The following MYO1D variants were observed in gnomAD, a reference collection of about 807,000 sequenced individuals.
The protein encoded by MYO1D is unconventional myosin-Id.
A neutral mutation model predicts 122.0 loss-of-function variants in MYO1D; 83 were observed. The observed-to-expected ratio is 0.68, with a 90% CI of 0.57 to 0.82. MYO1D has a LOEUF of 0.82. MYO1D is among the 40% of genes least tolerant of loss of function. The probability of loss-of-function intolerance (pLI) is 0.00; values close to 1 mark genes in which losing one functional copy is unlikely to be tolerated. For missense variants in MYO1D, 1,157 were observed against 1,269.5 expected, an observed-to-expected ratio of 0.91 and a Z score of 1.35; for synonymous variants, 464 against 446.9, an observed-to-expected ratio of 1.04 and a Z score of -0.48.
intron 15 of MYO1D, among the ~76,000 whole-genome samples, chr17:32,719,327 A>T (rs964701725): frequency 1.3e-5 from 2 of 150,696 alleles, no homozygotes; most frequent in African/African-American, 2.4e-5. Context: ...CTCCTGCAAT[A>T]GCATCCTTAA....
chr17:32,750,272 T>C (rs1274037194), intron 11 of MYO1D, among the ~76,000 whole-genome samples: 1 of 152,214 alleles, frequency 6.6e-6, no homozygotes, highest in East Asian at 1.9e-4. Flanking sequence ...AAGAATCACT[T>C]GGAATCTTAT....
At chr17:32,528,625 T>C (rs1308322027) in intron 21 of MYO1D, among the ~76,000 whole-genome samples, 2 of 152,022 alleles carry the variant, frequency 1.3e-5, no homozygotes, top group African/African-American at 4.8e-5. Flanking sequence ...GCTGCTGAGA[T>C]GGGGAGATTA....
chr17:32,855,057 G>A (rs1307743077), intron 1 of MYO1D, among the ~76,000 whole-genome samples: 2 of 152,050 alleles, frequency 1.3e-5, no homozygotes, highest in Non-Finnish European at 2.9e-5. Context: ...TAAAATTGTT[G>A]GTTCCATCCC....
intron 16 of MYO1D, among the ~76,000 whole-genome samples, chr17:32,694,938 T>C (rs1567953112): frequency 6.6e-6 from 1 of 152,164 alleles, no homozygotes; most frequent in Non-Finnish European, 1.5e-5. Flanking sequence ...AACCTGGGAA[T>C]CATTGATTCC....
chr17:32,613,059 C>T (rs1731468070), intron 20 of MYO1D, among the ~76,000 whole-genome samples: 1 of 152,080 alleles, frequency 6.6e-6, no homozygotes, highest in Non-Finnish European at 1.5e-5. Context: ...TAAGCCACTG[C>T]ACCAGGCCTG....
intron 20 of MYO1D, chr17:32,627,823 T>G (rs2087947938): frequency 6.6e-6 from 1 of 152,210 alleles, no homozygotes; most frequent in Admixed American, 6.5e-5. Context: ...TTTCGGTTAC[T>G]GTGCTCTCAC....
chr17:32,835,905 T>C (rs552765978), intron 1 of MYO1D, among the ~76,000 whole-genome samples: 2 of 152,330 alleles, frequency 1.3e-5, no homozygotes, highest in African/African-American at 4.8e-5. Context: ...TTACACTAAC[T>C]GTTGGTTCAT....
At position 32,876,684 on chromosome 17, in the gene MYO1D, C is replaced by T. The variant is rs2091234968; in HGVS notation, c.95+94G>A. The T allele has an allele frequency of 4.9e-6, 5 of 1,025,708 alleles. No individual in the cohort carries two copies. In the South Asian group the frequency reaches 6.7e-5, roughly 14 times the overall value. The allele number at this position is 1,025,708 out of a possible 1,614,324, so 63.5% of individuals were successfully genotyped here. A position where few individuals can be genotyped will look rare whatever the true frequency, so the allele number is the denominator to read the frequency against. On this transcript the variant is annotated intron_variant, in intron 1 of 21. Coordinates refer to ENST00000318217, the MANE Select transcript of MYO1D (RefSeq NM_015194.3). ...CGCGCCTCCATCCCTGGAGCTTGGG[C>T]GCTCCCGACACCCCGGATCCGGCCG... is the stretch of plus-strand genomic sequence containing the variant.
intron 21 of MYO1D, among the ~76,000 whole-genome samples, chr17:32,536,988 G>A (rs1910683700): frequency 6.6e-6 from 1 of 152,142 alleles, no homozygotes; most frequent in Admixed American, 6.5e-5. Flanking sequence ...GAAAATGTGT[G>A]GTTGGATGAA....
chr17:32,629,457 A>T (rs1446956174), intron 20 of MYO1D, among the ~76,000 whole-genome samples: 1 of 152,150 alleles, frequency 6.6e-6, no homozygotes, highest in Non-Finnish European at 1.5e-5. Flanking sequence ...AGTATGGGCC[A>T]GGCACAGTGA....
At chr17:32,693,151 T>C (rs2089125329) in intron 16 of MYO1D, among the ~76,000 whole-genome samples, 1 of 152,242 alleles carries the variant, frequency 6.6e-6, no homozygotes, top group African/African-American at 2.4e-5. Flanking sequence ...TAAGCATCTA[T>C]TCACGAAATC....
At position 32,836,486 on chromosome 17, in the gene MYO1D, C is replaced by A. The variant is rs562886258; in HGVS notation, c.95+40292G>T. Among the ~76,000 whole-genome samples, 216 of 152,244 alleles carry A rather than the reference C, an allele frequency of 1.4e-3. 1 individual carries two copies. The Middle Eastern group carries it at 0.027, about 19-fold the overall frequency. On this transcript the variant is annotated intron_variant, in intron 1 of 21. Coordinates refer to ENST00000318217, the MANE Select transcript of MYO1D (RefSeq NM_015194.3). ...CTCATTCCCAGTTAATTCTCCCACC[C>A]AGGGGTAACCACTATTCTGCCTTCT...
At chr17:32,853,892 T>G (rs1490425451) in intron 1 of MYO1D, among the ~76,000 whole-genome samples, 1 of 152,204 alleles carries the variant, frequency 6.6e-6, no homozygotes, top group Non-Finnish European at 1.5e-5. Flanking sequence ...TGGTATCTGC[T>G]TCAAGTTCAA....
rs186751102 is a variant in MYO1D, at chr17:32,738,483, T to C, written c.1614-98A>G. The stretch of plus-strand genomic sequence containing the variant: ...CTGAAATGTATCCTGAGAATCATAA[T>C]TGGACTACAGATTCAACTCACAAGG... On this transcript the variant is annotated intron_variant, in intron 13 of 21. Transcript: ENST00000318217. 2.0e-4 allele frequency: 256 copies of C among 1,258,504 alleles called. 1 individual carries two copies. Among genetic ancestry groups the C allele is most frequent in the Middle Eastern group, 1.8e-3 (9 of 5,028 alleles). The allele number at this position is 1,258,504 out of a possible 1,614,324, so 78.0% of individuals were successfully genotyped here. A position where few individuals can be genotyped will look rare whatever the true frequency, so the allele number is the denominator to read the frequency against.
At position 32,760,416 on chromosome 17, in the gene MYO1D, G is replaced by A; in HGVS notation, c.1182-12C>T. The A allele has an allele frequency of 1.2e-6, 2 of 1,604,540 alleles. No individual in the cohort carries two copies. The highest frequency in any genetic ancestry group is 8.5e-7 in the Non-Finnish European group (1 of 1,173,100). On this transcript the variant is annotated splice_polypyrimidine_tract_variant and intron_variant, in intron 9 of 21. Transcript: ENST00000318217. Reference sequence around the variant, plus strand: ...AGAATTGTTCAAAACTACAAGAAAAGGAATAAATTAAGTTTCAACAAATAG... The same window carrying A: ...AGAATTGTTCAAAACTACAAGAAAAAGAATAAATTAAGTTTCAACAAATAG...
intron 1 of MYO1D, among the ~76,000 whole-genome samples, chr17:32,864,057 A>T (rs2091103180): frequency 9.0e-6 from 1 of 111,384 alleles, no homozygotes; most frequent in Non-Finnish European, 1.7e-5. Context: ...TGTTTGCAAG[A>T]ATAAAAGCCT....
Position 32,710,519 on chromosome 17 carries a change from C to T in MYO1D, c.2121+1469G>A, listed in dbSNP as rs371830410. ...AAGAAAATACAGAATATCTTTGTGA[C>T]TGAGAGACATGAAAAGCCTTCTTAA... On this transcript the variant is annotated intron_variant, in intron 16 of 21. Coordinates refer to ENST00000318217, the MANE Select transcript of MYO1D (RefSeq NM_015194.3). Among the ~76,000 whole-genome samples, 22 of 152,244 alleles carry T rather than the reference C, an allele frequency of 1.4e-4. No homozygotes were observed. The East Asian group carries it at 4.0e-3, about 28-fold the overall frequency.
At position 32,771,191 on chromosome 17, in the gene MYO1D, T is replaced by C. The variant is rs2090109631; in HGVS notation, c.648A>G (p.Leu216=). ...QLLQGGSEQM[L]RSLHLQKSLS... is the part of the protein sequence containing the mutation. ...GGGATTTCTGGAGATGTAGAGAGCGTAGCATTTGTTCTGAACCTCCTTGGA... is the reference window on the plus strand; with the variant it reads ...GGGATTTCTGGAGATGTAGAGAGCGCAGCATTTGTTCTGAACCTCCTTGGA... The change falls in exon 6 of 22, where the codon CTA becomes CTG. Residue 216 remains leucine (L), a synonymous_variant. Coordinates refer to ENST00000318217, the MANE Select transcript of MYO1D (RefSeq NM_015194.3). 5 of 1,611,590 alleles carry C rather than the reference T, an allele frequency of 3.1e-6. No individual in the cohort carries two copies. The highest frequency in any genetic ancestry group is 2.2e-5 in the East Asian group (1 of 44,778).
At chr17:32,507,927 C>T (rs972289367) in intron 21 of MYO1D, among the ~76,000 whole-genome samples, 5 of 139,930 alleles carry the variant, frequency 3.6e-5, no homozygotes, top group African/African-American at 1.4e-4. Flanking sequence ...GACGGAGTCT[C>T]GCTCTGTCGC....
Sources: allele counts gnomAD v4.1 joint callset (sites outside exome capture counted in the v4.1 genomes callset), GRCh38; gene constraint gnomAD v4.1.1; transcripts MANE v1.5; gene names NCBI Gene and HGNC (gene_info 2026-07-23, HGNC 2026-07-21).